The following CHRM5 variants were observed in gnomAD, a reference collection of about 807,000 sequenced individuals.
CHRM5 encodes muscarinic acetylcholine receptor M5.
CHRM5 carries 18 observed loss-of-function variants against 39.0 expected under a neutral mutation model. The ratio of observed to expected loss-of-function variants is 0.46; its 90% CI spans 0.32 to 0.68. The LOEUF (loss-of-function observed/expected upper bound fraction) is 0.68. Among genes scored for constraint, CHRM5 ranks in the 30% least tolerant of loss-of-function variants. CHRM5 has a pLI of 0.04. For missense variants in CHRM5, 515 were observed against 651.1 expected (o/e 0.79, Z 2.28); for synonymous variants, 241 against 246.3 (o/e 0.98, Z 0.20).
At chr15:33,997,319 CA>C (rs773924650) in intron 1 of CHRM5, among the ~76,000 whole-genome samples, 16 of 151,872 alleles carry the variant, frequency 1.1e-4, no homozygotes, top group Non-Finnish European at 2.1e-4. Context: ...TTTTAACCCA[CA>C]AATCAATAAG....
At chr15:34,049,919 A>ATTTTTTTT in intron 2 of CHRM5, among the ~76,000 whole-genome samples, 1 of 143,754 alleles carries the variant, frequency 7.0e-6, no homozygotes. Context: ...ACAGGATCTC[A>ATTTTTTTT]CTCCATCACC....
At position 34,062,747 on chromosome 15, in the gene CHRM5, C is replaced by A. The variant is rs762744237; in HGVS notation, c.30C>A (p.Thr10=). 3.1e-6 allele frequency: 5 copies of A among 1,612,810 alleles called. No homozygotes were observed. The highest frequency in any genetic ancestry group is 2.7e-5 in the African/African-American group (2 of 74,900). Residue 10 remains threonine, a synonymous_variant, in exon 3 of 3, where the codon ACC becomes ACA. Transcript: ENST00000383263. The stretch of plus-strand genomic sequence containing the variant: ...AAGGGGATTCTTACCACAATGCAAC[C>A]ACCGTCAATGGCACCCCAGTAAATC... MEGDSYHNA[T]TVNGTPVNHQ...
chr15:33,981,226 A>G (rs1896129551), intron 1 of CHRM5, among the ~76,000 whole-genome samples: 1 of 152,222 alleles, frequency 6.6e-6, no homozygotes, highest in South Asian at 2.1e-4. Flanking sequence ...TATGAAGCGG[A>G]TGAATTTCAT....
intron 1 of CHRM5, among the ~76,000 whole-genome samples, chr15:34,017,982 C>T (rs2140699632): frequency 6.6e-6 from 1 of 152,260 alleles, no homozygotes. Flanking sequence ...ACTACATTAC[C>T]AGTCATATAA....
rs543608416 is a variant in CHRM5, at chr15:33,979,966, C to T, written c.-408+10816C>T. On this transcript the variant is annotated intron_variant, in intron 1 of 2. Transcript: ENST00000383263. The stretch of plus-strand genomic sequence containing the variant: ...TGTTCTAGCTATGAATTTGTTAAAT[C>T]TCTGGTTTCTGGGTTTTAAAAAATA... Among the ~76,000 whole-genome samples, 174 of 152,274 alleles carry T rather than the reference C, an allele frequency of 1.1e-3. 4 individuals carry two copies. The highest frequency in any genetic ancestry group is 3.4e-3 in the Middle Eastern group (1 of 294).
At chr15:34,048,061 T>TA (rs34626619) in intron 2 of CHRM5, among the ~76,000 whole-genome samples, 20,451 of 152,148 alleles carry the variant, frequency 0.13, 2,360 homozygotes, top group East Asian at 0.34. Context: ...GTTTGGTAGA[T>TA]ATGGGAGTTT....
rs574530710 is a variant in CHRM5, at chr15:33,994,688, T to A, written c.-408+25538T>A. Among the ~76,000 whole-genome samples the A allele has an allele frequency of 2.5e-3, 382 of 152,308 alleles. 2 individuals carry two copies. The highest frequency in any genetic ancestry group is 4.1e-3 in the Non-Finnish European group (278 of 68,020). On this transcript the variant is annotated intron_variant, in intron 1 of 2. Coordinates refer to ENST00000383263, the MANE Select transcript of CHRM5 (RefSeq NM_012125.4). The stretch of plus-strand genomic sequence containing the variant: ...ACATATACATACAGTGTGTGTGAAA[T>A]AGAAATTCACTTTTTAATTACAAGT...
At chr15:33,989,437 T>A (rs8042530) in intron 1 of CHRM5, among the ~76,000 whole-genome samples, 32,839 of 150,366 alleles carry the variant, frequency 0.22, 4,051 homozygotes, top group Middle Eastern at 0.41. Flanking sequence ...AACAGCTGGT[T>A]TTGTTTGGAG....
intron 1 of CHRM5, among the ~76,000 whole-genome samples, chr15:33,971,066 T>C (rs1040179338): frequency 1.3e-5 from 2 of 152,020 alleles, no homozygotes; most frequent in South Asian, 2.1e-4. Context: ...ATTTTCTTCA[T>C]GTAGGGTGAA....
chr15:34,018,981 T>C (rs1898086699), intron 1 of CHRM5, among the ~76,000 whole-genome samples: 1 of 152,112 alleles, frequency 6.6e-6, no homozygotes, highest in South Asian at 2.1e-4. Context: ...GGTGTGTTTT[T>C]ACAGAGTGCT....
rs1441017540 is a variant in CHRM5, at chr15:34,066,314, T to C, written c.*1998T>C. The C allele has an allele frequency of 1.3e-5, 2 of 152,250 alleles. No individual in the cohort carries two copies. The highest frequency in any genetic ancestry group is 2.9e-5 in the Non-Finnish European group (2 of 68,044). The allele number at this position is 152,250 out of a possible 1,614,324, so 9.4% of individuals were successfully genotyped here. A position where few individuals can be genotyped will look rare whatever the true frequency, so the allele number is the denominator to read the frequency against. On this transcript the variant is annotated 3_prime_UTR_variant, in exon 3 of 3. Coordinates refer to ENST00000383263, the MANE Select transcript of CHRM5 (RefSeq NM_012125.4). ...AGTCTTCGTTTAAGGCTTTGATTCC[T>C]GATAAAGATGAAAACCCCTTCATGA...
At chr15:34,051,960 A>G (rs1899937853) in intron 2 of CHRM5, among the ~76,000 whole-genome samples, 1 of 152,188 alleles carries the variant, frequency 6.6e-6, no homozygotes, top group South Asian at 2.1e-4. Flanking sequence ...TATCTGAAAA[A>G]ATTGAAAAGG....
intron 1 of CHRM5, among the ~76,000 whole-genome samples, chr15:33,975,272 G>T (rs10519898): frequency 0.039 from 5,994 of 152,152 alleles, 411 homozygotes; most frequent in African/African-American, 0.14. Context: ...GCAAGTTTTT[G>T]ATTCCATATA....
Position 34,065,173 on chromosome 15 carries a change from AC to A in CHRM5, c.*860del. 6.5e-6 allele frequency: 1 copy of A among 154,858 alleles called. No individual in the cohort carries two copies. The allele number at this position is 154,858 out of a possible 1,614,324, so 9.6% of individuals were successfully genotyped here. ...TGCATTCTATTTTGTGCCCATTTGA[AC>A]CCATTTATTTATGCTCTGTTCTTAG... On this transcript the variant is annotated 3_prime_UTR_variant, in exon 3 of 3. Coordinates refer to ENST00000383263, the MANE Select transcript of CHRM5 (RefSeq NM_012125.4).
Position 33,968,580 on chromosome 15 carries a change from G to A in CHRM5, c.-978G>A, listed in dbSNP as rs2140488831. The A allele has an allele frequency of 6.6e-6, 1 of 152,180 alleles. No homozygotes were observed. The highest frequency in any genetic ancestry group is 2.1e-4 in the South Asian group (1 of 4,820). 9.4% of individuals were successfully genotyped at this position (152,180 alleles called of 1,614,324 possible). A position where few individuals can be genotyped will look rare whatever the true frequency, so the allele number is the denominator to read the frequency against. On this transcript the variant is annotated 5_prime_UTR_variant, in exon 1 of 3. Transcript: ENST00000383263. ...TTTTTACCTCACTATTCAAAAAACA[G>A]GGTACCAGAAGCATGGGTTACAAAA...
chr15:33,978,561 G>A (rs1292006937), intron 1 of CHRM5, among the ~76,000 whole-genome samples: 1 of 152,076 alleles, frequency 6.6e-6, no homozygotes, highest in Admixed American at 6.5e-5. Flanking sequence ...TACTTGGGAG[G>A]CTAAGACAGG....
Position 34,067,130 on chromosome 15 carries a change from G to A in CHRM5, c.*2814G>A, listed in dbSNP as rs1900533493. On this transcript the variant is annotated 3_prime_UTR_variant, in exon 3 of 3. Transcript: ENST00000383263. ...GTATGACTTTGGCTAGTTACCTACTGGATGCTGTTACTTTGCTATCATTGT... is the reference window on the plus strand; with the variant it reads ...GTATGACTTTGGCTAGTTACCTACTAGATGCTGTTACTTTGCTATCATTGT... The A allele has an allele frequency of 6.6e-6, 1 of 152,156 alleles. No individual in the cohort carries two copies. The highest frequency in any genetic ancestry group is 1.5e-5 in the Non-Finnish European group (1 of 68,030). The allele number at this position is 152,156 out of a possible 1,614,324, so 9.4% of individuals were successfully genotyped here.
At chr15:33,973,436 T>C (rs1895726510) in intron 1 of CHRM5, among the ~76,000 whole-genome samples, 2 of 152,220 alleles carry the variant, frequency 1.3e-5, no homozygotes, top group Admixed American at 1.3e-4. Context: ...AAGACAGTCC[T>C]CTACATGCAG....
Position 34,062,380 on chromosome 15 carries a change from C to T in CHRM5, c.-75-263C>T, listed in dbSNP as rs190058842. Among the ~76,000 whole-genome samples the T allele has an allele frequency of 2.0e-3, 299 of 152,008 alleles. 1 individual carries two copies. The highest frequency in any genetic ancestry group is 6.8e-3 in the African/African-American group (281 of 41,472). ...ACCATCCCGCCTAACACAGTGAAAC[C>T]CCGTCTCTACTAAAAATACAAAAAA... is the stretch of plus-strand genomic sequence containing the variant. On this transcript the variant is annotated intron_variant, in intron 2 of 2. Transcript: ENST00000383263.
Sources: gnomAD v4.1 joint callset for allele counts (sites outside exome capture counted in the v4.1 genomes callset) on GRCh38, gnomAD v4.1.1 for gene constraint, MANE v1.5 for transcripts, NCBI Gene and HGNC (gene_info 2026-07-23, HGNC 2026-07-21) for gene names.